Variants in STK38 observed in about 807,000 individuals in gnomAD.
STK38 encodes the protein serine/threonine kinase 38.
Under a neutral mutation model 59.0 loss-of-function variants are expected in STK38, and 26 were observed. The observed-to-expected ratio is 0.44, with a 90% CI of 0.32 to 0.61. The LOEUF is 0.61. Ranked by LOEUF, STK38 falls within the 20% of genes least tolerant of loss-of-function variation. The pLI, the probability that STK38 is intolerant of heterozygous loss-of-function variation, is 0.04. For synonymous variants in STK38, 175 were observed against 176.6 expected (o/e 0.99, Z 0.07); for missense variants, 433 against 566.0 (o/e 0.76, Z 2.38).
rs867703460 is a variant in STK38 at position 36,494,524 on chromosome 6, T to C, written c.*1260A>G. On this transcript the variant is annotated 3_prime_UTR_variant, in exon 14 of 14. Coordinates refer to ENST00000229812, the MANE Select transcript of STK38 (RefSeq NM_007271.4). ...TGGCAGCTGTGAAACAGAAGGCACT[T>C]TGTGCTAAAATTCAGAGGGTCTCTC... 2 of 152,664 alleles carry C rather than the reference T, an allele frequency of 1.3e-5. No homozygotes were observed. Among genetic ancestry groups the C allele is most frequent in the Non-Finnish European group, 2.9e-5 (2 of 68,042 alleles). 9.5% of individuals were successfully genotyped at this position (152,664 alleles called of 1,614,324 possible).
At chr6:36,503,413 T>C (rs974649129) in intron 9 of STK38, among the ~76,000 whole-genome samples, 7 of 149,976 alleles carry the variant, frequency 4.7e-5, no homozygotes, top group African/African-American at 1.7e-4. Flanking sequence ...AGGGATCCAT[T>C]TTTTCCATAT....
At chr6:36,513,611 C>G (rs1777167391) in intron 7 of STK38, among the ~76,000 whole-genome samples, 1 of 151,994 alleles carries the variant, frequency 6.6e-6, no homozygotes, top group South Asian at 2.1e-4. Flanking sequence ...CCACCATGCC[C>G]GGCCCCGGCC....
chr6:36,515,518 CCACACACACACACACACACA>C, intron 6 of STK38, 26 bp from the exon 7 acceptor site: 4 of 1,537,644 alleles, frequency 2.6e-6, no homozygotes, highest in Non-Finnish European at 3.5e-6. Flanking sequence ...TACAAAGCCA[CCACACACACACACACACACA>C]CACACACACA....
chr6:36,502,775 G>A (rs1776871577), intron 9 of STK38, among the ~76,000 whole-genome samples: 1 of 152,062 alleles, frequency 6.6e-6, no homozygotes, highest in Admixed American at 6.5e-5. Context: ...TTCGTGTTTT[G>A]TCACTCCTCT....
chr6:36,524,726 T>A (rs1228666403), intron 3 of STK38, among the ~76,000 whole-genome samples: 1 of 152,232 alleles, frequency 6.6e-6, no homozygotes, highest in East Asian at 1.9e-4. Context: ...CAATCCACTA[T>A]CCTAACATTT....
intron 7 of STK38, among the ~76,000 whole-genome samples, chr6:36,509,384 G>A (rs1777048109): frequency 1.3e-5 from 2 of 152,126 alleles, no homozygotes; most frequent in African/African-American, 4.8e-5. Flanking sequence ...AGGGTGGTGA[G>A]AAAAATTGTA....
Position 36,499,934 on chromosome 6 carries a change from G to A in STK38, c.891C>T (p.Thr297=), listed in dbSNP as rs375406551. ...ACCAATCACAGAGCTTGTTGTACCC[G>A]GTCTGCATGAACACCTCAGGAGCAA... ...DYIAPEVFMQ[T]GYNKLCDWWS... The change falls in exon 10 of 14, where the codon ACC becomes ACT. Residue 297 remains threonine (T), a synonymous_variant. Transcript: ENST00000229812. 3.7e-6 allele frequency: 6 copies of A among 1,613,912 alleles called. No homozygotes were observed. Among genetic ancestry groups the A allele is most frequent in the African/African-American group, 2.7e-5 (2 of 74,900 alleles).
intron 2 of STK38, among the ~76,000 whole-genome samples, chr6:36,528,523 C>CA (rs1777591366): frequency 6.6e-6 from 1 of 152,088 alleles, no homozygotes; most frequent in Non-Finnish European, 1.5e-5. Context: ...AGACAGGAAA[C>CA]AGAGAGAGGA....
At chr6:36,518,554 C>A (rs190011190) in intron 5 of STK38, among the ~76,000 whole-genome samples, 34 of 152,242 alleles carry the variant, frequency 2.2e-4, no homozygotes, top group African/African-American at 7.0e-4. Context: ...CAAATCCCCC[C>A]CACACACACT....
At chr6:36,536,715 T>C (rs1461596040) in intron 2 of STK38, among the ~76,000 whole-genome samples, 1 of 151,900 alleles carries the variant, frequency 6.6e-6, no homozygotes, top group African/African-American at 2.4e-5. Flanking sequence ...TCTGTATTTT[T>C]AGTAGAGACG....
intron 7 of STK38, among the ~76,000 whole-genome samples, chr6:36,508,588 T>C (rs1561976653): frequency 6.6e-6 from 1 of 152,242 alleles, no homozygotes; most frequent in African/African-American, 2.4e-5. Context: ...CATGAGATCC[T>C]TGGGCTTCTA....
intron 6 of STK38, among the ~76,000 whole-genome samples, chr6:36,517,106 C>A (rs1456010966): frequency 7.1e-6 from 1 of 141,824 alleles, no homozygotes; most frequent in Non-Finnish European, 1.5e-5. Flanking sequence ...GAAAAAAGTT[C>A]TCTCTCTTTT....
intron 2 of STK38, among the ~76,000 whole-genome samples, chr6:36,527,191 C>CAAAAA (rs777770396): frequency 5.4e-4 from 25 of 46,014 alleles, no homozygotes; most frequent in African/African-American, 1.4e-3. Flanking sequence ...GACTCCGTCT[C>CAAAAA]AAAAAAAAAA....
intron 2 of STK38, among the ~76,000 whole-genome samples, chr6:36,527,849 C>T (rs185317934): frequency 6.6e-6 from 1 of 151,754 alleles, no homozygotes; most frequent in Admixed American, 6.6e-5. Flanking sequence ...CCTGTAATCC[C>T]AGCACTTTGA....
intron 2 of STK38, among the ~76,000 whole-genome samples, chr6:36,529,697 T>C (rs1397663414): frequency 1.3e-5 from 2 of 151,598 alleles, no homozygotes; most frequent in East Asian, 1.9e-4. Context: ...CCACTAAGAA[T>C]AGTGCTTTGT....
At chr6:36,538,743 T>C (rs1009439563) in intron 2 of STK38, among the ~76,000 whole-genome samples, 4 of 151,710 alleles carry the variant, frequency 2.6e-5, no homozygotes, top group African/African-American at 9.7e-5. Context: ...AATACAAAAA[T>C]TAGCTGGGCG....
Position 36,525,515 on chromosome 6 carries a change from C to G in STK38, c.183+76G>C, listed in dbSNP as rs1046106837. 8 of 1,387,804 alleles carry G rather than the reference C, an allele frequency of 5.8e-6. No individual in the cohort carries two copies. The Admixed American group carries it at 1.2e-4, about 21-fold the overall frequency. The allele number at this position is 1,387,804 out of a possible 1,614,324, so 86.0% of individuals were successfully genotyped here. A position where few individuals can be genotyped will look rare whatever the true frequency, so the allele number is the denominator to read the frequency against. On this transcript the variant is annotated intron_variant, in intron 3 of 13. Coordinates refer to ENST00000229812, the MANE Select transcript of STK38 (RefSeq NM_007271.4). Reference sequence around the variant, plus strand: ...GAGCCAAAACCCTTCTCATGTGTACCAAGGCTAACAACTCACTGGACAAGA... The same window carrying G: ...GAGCCAAAACCCTTCTCATGTGTACGAAGGCTAACAACTCACTGGACAAGA...
intron 2 of STK38, among the ~76,000 whole-genome samples, chr6:36,527,001 G>A (rs548109921): frequency 6.6e-6 from 1 of 151,762 alleles, no homozygotes; most frequent in African/African-American, 2.4e-5. Flanking sequence ...AAACCAGCCT[G>A]GCCAACATAG....
At chr6:36,543,232 T>C (rs961220949) in intron 1 of STK38, among the ~76,000 whole-genome samples, 16 of 151,740 alleles carry the variant, frequency 1.1e-4, no homozygotes, top group African/African-American at 3.9e-4. Flanking sequence ...GCCCGGCTAA[T>C]TTTTTCTATT....
Sources: gnomAD v4.1 joint callset for allele counts (sites outside exome capture counted in the v4.1 genomes callset) on GRCh38, gnomAD v4.1.1 for gene constraint, MANE v1.5 for transcripts, NCBI Gene and HGNC (gene_info 2026-07-23, HGNC 2026-07-21) for gene names.